The following SLC22A23 variants were observed in gnomAD, a reference collection of about 807,000 sequenced individuals.
SLC22A23 encodes solute carrier family 22 member 23.
A neutral mutation model predicts 61.0 loss-of-function variants in SLC22A23; 26 were observed. That is an observed-to-expected ratio of 0.43 (90% confidence interval 0.31 to 0.59). SLC22A23 has a LOEUF of 0.59. Ranked by LOEUF, SLC22A23 falls within the 20% of genes least tolerant of loss-of-function variation. SLC22A23 has a pLI of 0.11. For missense variants in SLC22A23, 796 were observed against 934.7 expected (o/e 0.85, Z 1.94); for synonymous variants, 430 against 413.9 (o/e 1.04, Z -0.47).
rs1772388545 is a variant in SLC22A23, at chr6:3,456,062, C to T, written c.498G>A (p.Glu166=). ...TGCTGTTGCTCCGGTTGCCCGCAGC[C>T]TCCCAGGGGGCAGTGGCGAAGGGGG... The part of the protein sequence containing the change: ...PTTPFATAPW[E]AAGNRSNSSG... The change falls in exon 1 of 10, where the codon GAG becomes GAA. Residue 166 remains glutamate (E), a synonymous_variant. Transcript: ENST00000406686. The surrounding 1 kb of genome is among the most constrained non-coding windows in gnomAD (Gnocchi z 7.1). 6.5e-7 allele frequency: 1 copy of T among 1,549,460 alleles called. No homozygotes were observed. Among genetic ancestry groups the T allele is most frequent in the Non-Finnish European group, 8.7e-7 (1 of 1,146,756 alleles).
chr6:3,335,199 A>G (rs552019733), intron 3 of SLC22A23, among the ~76,000 whole-genome samples: 2 of 152,328 alleles, frequency 1.3e-5, no homozygotes, highest in East Asian at 1.9e-4. Flanking sequence ...TCTGTGATTG[A>G]GGAAAATACT....
chr6:3,289,782 A>G lies in SLC22A23; in HGVS notation c.1295T>C (p.Val432Ala). Reference protein sequence around the residue: ...VGTRNLWKNIVVLCVNSLTGY... With the variant: ...VGTRNLWKNIAVLCVNSLTGY... ...GACTCACGAGTTCACACACAGGACC[A>G]CAATGTTCTTCCACAGGTTCCGTGT... Residue 432 changes from valine (V) to alanine (A), a missense_variant, in exon 6 of 10, where the codon GTG (valine) becomes GCG (alanine). Coordinates refer to ENST00000406686, the MANE Select transcript of SLC22A23 (RefSeq NM_015482.2). 6.2e-7 allele frequency: 1 copy of G among 1,613,962 alleles called. No individual in the cohort carries two copies. Among genetic ancestry groups the G allele is most frequent in the South Asian group, 1.1e-5 (1 of 91,078 alleles).
chr6:3,308,126 G>A lies in SLC22A23; in HGVS notation c.1083-9908C>T, dbSNP rs113111952. On this transcript the variant is annotated intron_variant, in intron 4 of 9. Coordinates refer to ENST00000406686, the MANE Select transcript of SLC22A23 (RefSeq NM_015482.2). This position sits in a 1 kb window ranked among gnomAD's most constrained non-coding sequence, Gnocchi z 5.1. Reference sequence around the variant, plus strand: ...GGTGGAGATGGCTGCACAACATCGCGTTGTGGATGTGGTCACTGAGTTGTA... The same window carrying A: ...GGTGGAGATGGCTGCACAACATCGCATTGTGGATGTGGTCACTGAGTTGTA... Among the ~76,000 whole-genome samples the A allele has an allele frequency of 4.6e-5, 7 of 152,324 alleles. No homozygotes were observed. The highest frequency in any genetic ancestry group is 7.3e-5 in the Non-Finnish European group (5 of 68,034).
At chr6:3,294,971 G>A (rs1760943220) in intron 5 of SLC22A23, among the ~76,000 whole-genome samples, 4 of 152,208 alleles carry the variant, frequency 2.6e-5, no homozygotes, top group South Asian at 2.1e-4. Context: ...GGCCCGAGAC[G>A]CTTACTTACC....
At chr6:3,349,155 C>G (rs1381811776) in intron 3 of SLC22A23, among the ~76,000 whole-genome samples, 1 of 152,220 alleles carries the variant, frequency 6.6e-6, no homozygotes, top group East Asian at 1.9e-4. Context: ...GGCCAACTGG[C>G]CGCGGGGCAC....
At chr6:3,315,601 C>T (rs1762592009) in intron 4 of SLC22A23, among the ~76,000 whole-genome samples, 1 of 152,126 alleles carries the variant, frequency 6.6e-6, no homozygotes, top group African/African-American at 2.4e-5. Context: ...CATGGTGGCT[C>T]ACACATATAA....
chr6:3,428,177 G>A (rs1219720843), intron 1 of SLC22A23, among the ~76,000 whole-genome samples: 1 of 152,226 alleles, frequency 6.6e-6, no homozygotes, highest in Non-Finnish European at 1.5e-5. Flanking sequence ...CAGAGAAAGG[G>A]AGCAGAGACC....
At chr6:3,276,697 C>G (rs773002905) in intron 9 of SLC22A23, 14 of 152,286 alleles carry the variant, frequency 9.2e-5, no homozygotes, top group Non-Finnish European at 1.9e-4. Context: ...AGGGCGCCGT[C>G]TGTGCATTTC....
rs1391739538 is a variant in SLC22A23, at chr6:3,454,049, CTTTT to C, written c.654+1853_654+1856del. ...TGGGAAGGCAGTCCTTTATTTAGATCTTTTTTGTCTGTGAAAATCAATATGTCCT... is the reference window on the plus strand; with the variant it reads ...TGGGAAGGCAGTCCTTTATTTAGATCTTGTCTGTGAAAATCAATATGTCCT... On this transcript the variant is annotated intron_variant, in intron 1 of 9. Transcript: ENST00000406686. The surrounding 1 kb of genome is among the most constrained non-coding windows in gnomAD (Gnocchi z 4.3). Among the ~76,000 whole-genome samples, 1 of 152,132 alleles carries C rather than the reference CTTTT, an allele frequency of 6.6e-6. No individual in the cohort carries two copies. The highest frequency in any genetic ancestry group is 1.5e-5 in the Non-Finnish European group (1 of 68,016).
rs1487033523 is a variant in SLC22A23, at chr6:3,456,471, C to G, written c.89G>C (p.Gly30Ala). Residue 30 changes from glycine to alanine, a missense_variant, in exon 1 of 10, where the codon GGG becomes GCG. Physicochemically the swap from Gly to Ala is moderately conservative, Grantham distance 60 (BLOSUM62 0). Transcript: ENST00000406686. This position sits in a 1 kb window ranked among gnomAD's most constrained non-coding sequence, Gnocchi z 7.1. ...GAGGGGCGCCGAGGCCGCCGCGTCC[C>G]CGGGCGGCAGGGAGCCGTTCTCCTC... ...PAEENGSLPP[G>A]DAAASAPLGG... is the part of the protein sequence containing the mutation. 3.4e-5 allele frequency: 40 copies of G among 1,189,448 alleles called. No homozygotes were observed. The East Asian group carries it at 1.5e-3, about 44-fold the overall frequency. 73.7% of individuals were successfully genotyped at this position (1,189,448 alleles called of 1,614,324 possible). A position where few individuals can be genotyped will look rare whatever the true frequency, so the allele number is the denominator to read the frequency against.
chr6:3,441,991 C>T (rs6596969), intron 1 of SLC22A23, among the ~76,000 whole-genome samples: 10,648 of 152,214 alleles, frequency 0.07, 445 homozygotes, highest in African/African-American at 0.1. Flanking sequence ...AGTTCCCAGC[C>T]GCACATGCAC....
intron 3 of SLC22A23, among the ~76,000 whole-genome samples, chr6:3,367,129 TA>T (rs1303813533): frequency 6.6e-6 from 1 of 152,224 alleles, no homozygotes; most frequent in South Asian, 2.1e-4. Context: ...GTGTGTATTT[TA>T]AAGGAAATGC....
chr6:3,456,583 G>A lies in SLC22A23; in HGVS notation c.-24C>T. On this transcript the variant is annotated 5_prime_UTR_variant, in exon 1 of 10. Coordinates refer to ENST00000406686, the MANE Select transcript of SLC22A23 (RefSeq NM_015482.2). The surrounding 1 kb of genome is among the most constrained non-coding windows in gnomAD (Gnocchi z 7.1). ...ATGGCCCGGGCCCGCGGCTCCCGCA[G>A]AGGCGCATAGAGCGCGGCGGAGGCT... The A allele has an allele frequency of 2.0e-6, 2 of 982,118 alleles. No individual in the cohort carries two copies. Among genetic ancestry groups the A allele is most frequent in the African/African-American group, 3.5e-5 (2 of 56,706 alleles). 60.8% of individuals were successfully genotyped at this position (982,118 alleles called of 1,614,324 possible).
In SLC22A23 at chr6:3,317,580, C is replaced by T. The variant is rs533093685; in HGVS notation, c.1082+6254G>A. On this transcript the variant is annotated intron_variant, in intron 4 of 9. Transcript: ENST00000406686. This position sits in a 1 kb window ranked among gnomAD's most constrained non-coding sequence, Gnocchi z 4.4. Reference sequence around the variant, plus strand: ...TGTTTCTTCTGGAAGAAGGATCAGTCGGTATGACTTCCTTCTAGATGAGCG... The same window carrying T: ...TGTTTCTTCTGGAAGAAGGATCAGTTGGTATGACTTCCTTCTAGATGAGCG... Among the ~76,000 whole-genome samples the T allele has an allele frequency of 3.3e-5, 5 of 152,196 alleles. No individual in the cohort carries two copies. Among genetic ancestry groups the T allele is most frequent in the Non-Finnish European group, 4.4e-5 (3 of 68,036 alleles).
At chr6:3,283,439 G>A (rs768923306) in intron 9 of SLC22A23, 2 of 266,128 alleles carry the variant, frequency 7.5e-6, no homozygotes, top group Admixed American at 9.6e-5. Context: ...TCTCGGGGAG[G>A]GCCGGGGGGT....
rs1175720648 is a variant in SLC22A23, at chr6:3,454,387, A to AGATG, written c.654+1518_654+1519insCATC. 3.3e-5 allele frequency among the ~76,000 whole-genome samples: 5 copies of AGATG among 152,024 alleles called. No individual in the cohort carries two copies. The highest frequency in any genetic ancestry group is 2.6e-4 in the Admixed American group (4 of 15,262). On this transcript the variant is annotated intron_variant, in intron 1 of 9. Transcript: ENST00000406686. The surrounding 1 kb of genome is among the most constrained non-coding windows in gnomAD (Gnocchi z 4.3). Reference sequence around the variant, plus strand: ...CACTCTATCCCATCTCATCACTTTCAAGTTCACCTCTACTTTGACCCCAGG... The same window carrying AGATG: ...CACTCTATCCCATCTCATCACTTTCAGATGAGTTCACCTCTACTTTGACCCCAGG...
chr6:3,415,774 T>C lies in SLC22A23; in HGVS notation c.736A>G (p.Ile246Val). 1.3e-6 allele frequency: 2 copies of C among 1,551,714 alleles called. No homozygotes were observed. The highest frequency in any genetic ancestry group is 1.7e-6 in the Non-Finnish European group (2 of 1,146,862). ...CACCAGTCAGCAATGCATCCAGTTA[T>C]TAGGTAGCCAAAGATTAATCCAACC... ...LLVGLIFGYLITGCIADWVGR... is the reference protein window; with the variant it reads ...LLVGLIFGYLVTGCIADWVGR... Residue 246 changes from isoleucine to valine, a missense_variant, in exon 2 of 10, where the codon ATA becomes GTA. Ile to Val is a conservative substitution (Grantham distance 29, BLOSUM62 3). Transcript: ENST00000406686.
At chr6:3,366,057 G>A (rs548293297) in intron 3 of SLC22A23, among the ~76,000 whole-genome samples, 5 of 152,208 alleles carry the variant, frequency 3.3e-5, no homozygotes, top group Admixed American at 1.3e-4. Flanking sequence ...ATGGCTGGGC[G>A]CGGTGGCTCA....
At chr6:3,433,349 A>G (rs1770992716) in intron 1 of SLC22A23, among the ~76,000 whole-genome samples, 1 of 152,102 alleles carries the variant, frequency 6.6e-6, no homozygotes, top group African/African-American at 2.4e-5. Flanking sequence ...TGAGTCCCAG[A>G]AGCTGTAGGG....
Sources: allele counts gnomAD v4.1 joint callset (sites outside exome capture counted in the v4.1 genomes callset), GRCh38; gene constraint gnomAD v4.1.1; non-coding constraint Gnocchi (gnomAD v3.1); transcripts MANE v1.5; gene names NCBI Gene and HGNC (gene_info 2026-07-23, HGNC 2026-07-21).